Variants in FGF14 observed in about 807,000 individuals in gnomAD.
FGF14 encodes fibroblast growth factor homologous factor 4.
In FGF14, 5 loss-of-function variants were observed where a neutral mutation model predicts 25.5. The observed-to-expected ratio is 0.20, with a 90% CI of 0.10 to 0.41. The LOEUF is 0.41. Among genes scored for constraint, FGF14 ranks in the 10% least tolerant of loss-of-function variants. The pLI is 1.00. For synonymous variants in FGF14, 138 were observed against 118.3 expected (o/e 1.17, Z -1.08); for missense variants, 222 against 320.1 (o/e 0.69, Z 2.34).
intron 1 of FGF14, among the ~76,000 whole-genome samples, chr13:102,286,218 T>G (rs1425058167): frequency 6.6e-6 from 1 of 152,172 alleles, no homozygotes; most frequent in Non-Finnish European, 1.5e-5. Context: ...GCATGCATTA[T>G]GAGCACTAAC....
chr13:102,302,074 T>A (rs1457207105), intron 1 of FGF14, among the ~76,000 whole-genome samples: 1 of 152,162 alleles, frequency 6.6e-6, no homozygotes, highest in African/African-American at 2.4e-5. Context: ...TTCCTCACAC[T>A]GCTTGTTCAA....
chr13:101,999,036 T>C (rs1294282485), intron 1 of FGF14, among the ~76,000 whole-genome samples: 2 of 152,184 alleles, frequency 1.3e-5, no homozygotes, highest in Non-Finnish European at 2.9e-5. Flanking sequence ...ACTATGCTTC[T>C]CAGAATCTCC....
At position 101,733,589 on chromosome 13, in the gene FGF14, A is replaced by G. The variant is rs80332585; in HGVS notation, c.409-6779T>C. Among the ~76,000 whole-genome samples the G allele has an allele frequency of 4.9e-5, 5 of 101,212 alleles. No homozygotes were observed. The South Asian group carries it at 2.2e-3, about 44-fold the overall frequency. 66.4% of individuals were successfully genotyped at this position (101,212 alleles called of 152,430 possible). A position where few individuals can be genotyped will look rare whatever the true frequency, so the allele number is the denominator to read the frequency against. On this transcript the variant is annotated intron_variant, in intron 3 of 4. Coordinates refer to ENST00000376143, the MANE Select transcript of FGF14 (RefSeq NM_004115.4). ...CAGCCTGGCGACAGAACAAGACTCC[A>G]TCAAAAAAAAAAAAAAAAAAAAAGA...
At chr13:102,102,781 A>G (rs1450773854) in intron 1 of FGF14, among the ~76,000 whole-genome samples, 1 of 152,210 alleles carries the variant, frequency 6.6e-6, no homozygotes, top group African/African-American at 2.4e-5. Flanking sequence ...TTTTGCAGAT[A>G]GGGTAACTGA....
chr13:102,135,554 C>G (rs577560298), intron 1 of FGF14, among the ~76,000 whole-genome samples: 18 of 152,276 alleles, frequency 1.2e-4, no homozygotes, highest in Admixed American at 9.2e-4. Flanking sequence ...TGATAAGATA[C>G]TAGGACTTTG....
intron 1 of FGF14, among the ~76,000 whole-genome samples, chr13:102,016,143 T>C (rs1848913407): frequency 6.6e-6 from 1 of 152,150 alleles, no homozygotes. Flanking sequence ...TTAGTTCATT[T>C]AGTCATCAAA....
At chr13:101,993,753 A>G (rs898794537) in intron 1 of FGF14, among the ~76,000 whole-genome samples, 1 of 151,990 alleles carries the variant, frequency 6.6e-6, no homozygotes, top group Non-Finnish European at 1.5e-5. Context: ...AGGATGCTCA[A>G]TTAGAACCAG....
chr13:102,081,893 T>C (rs2043640512), intron 1 of FGF14, among the ~76,000 whole-genome samples: 1 of 152,164 alleles, frequency 6.6e-6, no homozygotes. Flanking sequence ...AAAATTATGA[T>C]TCAGATTTAG....
intron 3 of FGF14, among the ~76,000 whole-genome samples, chr13:101,759,169 G>A (rs1309696502): frequency 6.6e-6 from 1 of 152,134 alleles, no homozygotes; most frequent in Admixed American, 6.6e-5. Context: ...CAGGTGAGAG[G>A]TAAGAGCCTA....
At chr13:101,832,944 T>C (rs2042747599) in intron 3 of FGF14, among the ~76,000 whole-genome samples, 1 of 152,070 alleles carries the variant, frequency 6.6e-6, no homozygotes. Context: ...TTCTCACAAA[T>C]TCTAGTCAAT....
intron 1 of FGF14, among the ~76,000 whole-genome samples, chr13:101,962,339 T>A (rs2036910498): frequency 6.6e-6 from 1 of 152,206 alleles, no homozygotes; most frequent in Non-Finnish European, 1.5e-5. Context: ...GGGAGTTCAT[T>A]CATGATTTGA....
At chr13:101,917,364 A>T (rs2033638302), upstream of FGF14, among the ~76,000 whole-genome samples, 1 of 152,156 alleles carries the variant, frequency 6.6e-6, no homozygotes, top group Admixed American at 6.5e-5. Flanking sequence ...CGTATAGGTA[A>T]TAATGATTTA....
chr13:102,198,924 T>C (rs2049491082), intron 1 of FGF14, among the ~76,000 whole-genome samples: 1 of 152,200 alleles, frequency 6.6e-6, no homozygotes, highest in South Asian at 2.1e-4. Flanking sequence ...CCTCACTCTT[T>C]GTCAAACTCT....
intron 1 of FGF14, among the ~76,000 whole-genome samples, chr13:102,335,110 G>A (rs2056754274): frequency 1.3e-5 from 2 of 152,070 alleles, no homozygotes; most frequent in Non-Finnish European, 2.9e-5. Context: ...TACGATGAAG[G>A]TAGCTCATGG....
intron 3 of FGF14, among the ~76,000 whole-genome samples, chr13:101,728,212 A>C (rs1566825310): frequency 6.6e-6 from 1 of 152,154 alleles, no homozygotes; most frequent in Non-Finnish European, 1.5e-5. Context: ...TTCCAAGGGG[A>C]ACAGCCTTTG....
At chr13:102,246,877 A>C (rs535357506) in intron 1 of FGF14, among the ~76,000 whole-genome samples, 2 of 152,054 alleles carry the variant, frequency 1.3e-5, no homozygotes, top group Admixed American at 1.3e-4. Flanking sequence ...TCATGGTACT[A>C]GTACAAAAAC....
intron 1 of FGF14, among the ~76,000 whole-genome samples, chr13:102,389,671 T>A (rs1467358161): frequency 1.3e-5 from 2 of 152,214 alleles, no homozygotes; most frequent in African/African-American, 4.8e-5. Context: ...TAGGCAGCTT[T>A]GCTAGAAGCC....
chr13:101,779,291 G>C (rs941676860), intron 3 of FGF14, among the ~76,000 whole-genome samples: 16 of 152,228 alleles, frequency 1.1e-4, no homozygotes, highest in Non-Finnish European at 1.5e-5. Context: ...GGTTGTAGCT[G>C]GGATCAAAAG....
rs901690182 is a variant in FGF14, at chr13:101,711,926, A to C, written c.*10905T>G. 5 of 152,334 alleles carry C rather than the reference A, an allele frequency of 3.3e-5. No homozygotes were observed. The highest frequency in any genetic ancestry group is 2.6e-4 in the Admixed American group (4 of 15,286). The allele number at this position is 152,334 out of a possible 1,614,324, so 9.4% of individuals were successfully genotyped here. A position where few individuals can be genotyped will look rare whatever the true frequency, so the allele number is the denominator to read the frequency against. ...CTGTTCTCTGGCTAGGCTGGGTCTC[A>C]GGGGTGTGAGTGGGTCTTGGCCAGC... On this transcript the variant is annotated 3_prime_UTR_variant, in exon 5 of 5. Coordinates refer to ENST00000376143, the MANE Select transcript of FGF14 (RefSeq NM_004115.4).
Sources: gnomAD v4.1 joint callset for allele counts (sites outside exome capture counted in the v4.1 genomes callset) on GRCh38, gnomAD v4.1.1 for gene constraint, MANE v1.5 for transcripts, NCBI Gene and HGNC (gene_info 2026-07-23, HGNC 2026-07-21) for gene names.